The following NPC1 variants were observed in gnomAD, a reference collection of about 807,000 sequenced individuals.
The protein encoded by NPC1 is Niemann-Pick C1 protein.
In NPC1, 85 loss-of-function variants were observed where a neutral mutation model predicts 140.4. The observed-to-expected ratio is 0.61, with a 90% CI of 0.51 to 0.72. NPC1 has a LOEUF of 0.72. NPC1 is among the 30% of genes least tolerant of loss of function. The probability of loss-of-function intolerance (pLI) is 0.00; values close to 1 mark genes in which losing one functional copy is unlikely to be tolerated. For missense variants in NPC1, 1,504 were observed against 1,623.8 expected (o/e 0.93, Z 1.27); for synonymous variants, 656 against 624.8 (o/e 1.05, Z -0.74).
At chr18:23,568,801 G>C in intron 4 of NPC1, 22 bp downstream of exon 4, 1 of 1,596,314 alleles carries the variant, frequency 6.3e-7, no homozygotes, top group Non-Finnish European at 8.6e-7. Flanking sequence ...TGTAAAAGAG[G>C]AATAATTAAA....
intron 20 of NPC1, among the ~76,000 whole-genome samples, chr18:23,537,809 TAGG>T (rs1276779593): frequency 2.0e-5 from 3 of 152,336 alleles, no homozygotes; most frequent in Non-Finnish European, 2.9e-5. Context: ...ACTTAACTTT[TAGG>T]AGGAGTCATC....
chr18:23,541,458 G>A lies in NPC1; in HGVS notation c.2246-25C>T, dbSNP rs1488658387. The A allele has an allele frequency of 8.1e-6, 13 of 1,613,976 alleles. No individual in the cohort carries two copies. The Admixed American group carries it at 1.7e-4, about 21-fold the overall frequency. ...CCTGTCGGGGAGAGAAGGGCTCTGCGTCACTTCTGTTTACAGCCGGGGGCT... is the reference window on the plus strand; with the variant it reads ...CCTGTCGGGGAGAGAAGGGCTCTGCATCACTTCTGTTTACAGCCGGGGGCT... On this transcript the variant is annotated intron_variant, in intron 14 of 24. Transcript: ENST00000269228.
Position 23,573,574 on chromosome 18 carries a change from C to A in NPC1, c.58G>T (p.Val20Leu), listed in dbSNP as rs1444708311. Reference protein sequence around the residue: ...LLLLLLCPAQVFSQSCVWYGE... With the variant: ...LLLLLLCPAQLFSQSCVWYGE... ...TACCAAACACAGGACTGTGAAAACA[C>A]CTACAGAAAGTCAACACAAACTTCA... Residue 20 changes from valine (V) to leucine (L), a missense_variant and splice_region_variant, in exon 2 of 25, where the codon GTG becomes TTG. By Grantham distance (32) the Val-to-Leu change is conservative. Transcript: ENST00000269228. 6 of 1,613,986 alleles carry A rather than the reference C, an allele frequency of 3.7e-6. No individual in the cohort carries two copies. The African/African-American group carries it at 8.0e-5, about 22-fold the overall frequency.
intron 3 of NPC1, chr18:23,516,503 C>T (rs1847108692): frequency 1.4e-6 from 2 of 1,416,618 alleles, no homozygotes; most frequent in South Asian, 2.3e-5. Context: ...TTACAAGCAC[C>T]ACGTGATGCC....
chr18:23,548,174 G>A (rs2058815421), intron 10 of NPC1, 66 bp from the exon 11 acceptor site: 1 of 914,564 alleles, frequency 1.1e-6, no homozygotes, highest in East Asian at 2.4e-5. Flanking sequence ...ACACATACCA[G>A]GGGAAAAATC....
At chr18:23,507,908 C>T (rs2145134492) in intron 3 of NPC1, 1 of 1,321,752 alleles carries the variant, frequency 7.6e-7, no homozygotes, top group African/African-American at 1.5e-5. Context: ...TTTTTCTTGT[C>T]TTGTAGTATG....
At chr18:23,535,831 C>CT in intron 21 of NPC1, 131 bp from the exon 22 acceptor site, 1 of 722,324 alleles carries the variant, frequency 1.4e-6, no homozygotes, top group South Asian at 1.5e-5. Flanking sequence ...TGCTGGCTGT[C>CT]TACAAGACTC....
At chr18:23,522,814 CCTGCTGGGCTGTGAG>C (rs1366175269) in exon 2 of NPC1, 4 of 152,310 alleles carry the variant, frequency 2.6e-5, no homozygotes, top group African/African-American at 4.8e-5. Flanking sequence ...CCTTTTGTTT[CCTGCTGGGCTGTGAG>C]CCCTGGCGGC....
At position 23,543,589 on chromosome 18, in the gene NPC1, A is replaced by T. The variant is rs915506749; in HGVS notation, c.2131-20T>A. On this transcript the variant is annotated intron_variant, in intron 13 of 24. Coordinates refer to ENST00000269228, the MANE Select transcript of NPC1 (RefSeq NM_000271.5). The stretch of plus-strand genomic sequence containing the variant: ...ATCTCTCTTAAAAAAAAAAAAAAAA[A>T]ATTATGCGACATTAAAATTTCTCAA... The T allele has an allele frequency of 8.1e-6, 10 of 1,240,992 alleles. 1 individual carries two copies. The African/African-American group carries it at 1.4e-4, about 17-fold the overall frequency. The allele number at this position is 1,240,992 out of a possible 1,614,324, so 76.9% of individuals were successfully genotyped here. A position where few individuals can be genotyped will look rare whatever the true frequency, so the allele number is the denominator to read the frequency against.
intron 3 of NPC1, among the ~76,000 whole-genome samples, chr18:23,569,528 C>T (rs2059172557): frequency 6.6e-6 from 1 of 152,100 alleles, no homozygotes; most frequent in Admixed American, 6.5e-5. Context: ...GTCTGTGTTG[C>T]CCAGGATGGT....
Position 23,586,355 on chromosome 18 carries a change from G to T in NPC1, c.-12C>A, listed in dbSNP as rs1216492442. 6.5e-7 allele frequency: 1 copy of T among 1,532,374 alleles called. No homozygotes were observed. Among genetic ancestry groups the T allele is most frequent in the African/African-American group, 1.4e-5 (1 of 72,684 alleles). The allele number at this position is 1,532,374 out of a possible 1,614,324, so 94.9% of individuals were successfully genotyped here. On this transcript the variant is annotated 5_prime_UTR_variant, in exon 1 of 25. Coordinates refer to ENST00000269228, the MANE Select transcript of NPC1 (RefSeq NM_000271.5). ...CCGCGAGCGGTCATGCTGTGGCCGC[G>T]CAAGGCTGCTGACGCCGGCGGCGTT...
At chr18:23,514,269 A>G (rs1235311731) in intron 3 of NPC1, among the ~76,000 whole-genome samples, 2 of 152,334 alleles carry the variant, frequency 1.3e-5, no homozygotes, top group Non-Finnish European at 1.5e-5. Context: ...TAATCCTAGC[A>G]CTTTGGGAGG....
intron 1 of NPC1, among the ~76,000 whole-genome samples, chr18:23,585,003 C>T (rs995635685): frequency 1.3e-5 from 2 of 152,068 alleles, no homozygotes; most frequent in Admixed American, 1.3e-4. Context: ...GCTATGATGG[C>T]GACACTGCCC....
intron 2 of NPC1, 126 bp from the exon 3 acceptor site, chr18:23,572,306 T>C (rs2059215644): frequency 5.8e-6 from 4 of 687,624 alleles, no homozygotes; most frequent in Non-Finnish European, 1.1e-5. Context: ...AGACACATCC[T>C]GTATTTGCAA....
downstream of NPC1, among the ~76,000 whole-genome samples, chr18:23,521,100 C>T (rs1031617327): frequency 6.6e-6 from 1 of 152,190 alleles, no homozygotes; most frequent in Non-Finnish European, 1.5e-5. Flanking sequence ...GGTGATCCGC[C>T]TGCCTCGCTC....
chr18:23,572,372 A>G (rs969397402), intron 2 of NPC1, among the ~76,000 whole-genome samples, 192 bp from the exon 3 acceptor site: 1 of 152,206 alleles, frequency 6.6e-6, no homozygotes, highest in African/African-American at 2.4e-5. Flanking sequence ...TCACAAGTAG[A>G]GATGTTTCTA....
At chr18:23,532,367 C>A in intron 24 of NPC1, 83 bp from the exon 25 acceptor site, 7 of 1,484,012 alleles carry the variant, frequency 4.7e-6, no homozygotes, top group Non-Finnish European at 6.6e-6. Context: ...GCCTGTAATC[C>A]CACTTTGGAA....
rs1021181719 is a variant in NPC1 at position 23,531,804 on chromosome 18, C to T, written c.*398G>A. On this transcript the variant is annotated 3_prime_UTR_variant, in exon 25 of 25. Coordinates refer to ENST00000269228, the MANE Select transcript of NPC1 (RefSeq NM_000271.5). ...AAAATGTTATAAAGTGTATCTACAA[C>T]CTCAACTGTCACTAAAAATATGGTA... 33 of 1,518,648 alleles carry T rather than the reference C, an allele frequency of 2.2e-5. No individual in the cohort carries two copies. The highest frequency in any genetic ancestry group is 2.8e-5 in the Non-Finnish European group (32 of 1,142,736). 94.1% of individuals were successfully genotyped at this position (1,518,648 alleles called of 1,614,324 possible). A position where few individuals can be genotyped will look rare whatever the true frequency, so the allele number is the denominator to read the frequency against.
At chr18:23,557,997 C>G (rs2058979864) in intron 6 of NPC1, among the ~76,000 whole-genome samples, 1 of 152,060 alleles carries the variant, frequency 6.6e-6, no homozygotes, top group Admixed American at 6.5e-5. Context: ...GTGTTGGATA[C>G]AACCCACAGA....
Sources: allele counts gnomAD v4.1 joint callset (sites outside exome capture counted in the v4.1 genomes callset), GRCh38; gene constraint gnomAD v4.1.1; transcripts MANE v1.5; gene names NCBI Gene and HGNC (gene_info 2026-07-23, HGNC 2026-07-21).